The following KIFAP3 variants were observed in gnomAD, a reference collection of about 807,000 sequenced individuals.
KIFAP3 encodes kinesin-associated protein 3.
KIFAP3 carries 68 observed loss-of-function variants against 106.5 expected under a neutral mutation model. The ratio of observed to expected loss-of-function variants is 0.64; its 90% CI spans 0.53 to 0.78. The LOEUF (loss-of-function observed/expected upper bound fraction) is 0.78. Among genes scored for constraint, KIFAP3 ranks in the 30% least tolerant of loss-of-function variants. KIFAP3 has a pLI of 0.00. For missense variants in KIFAP3, 780 were observed against 941.8 expected (o/e 0.83, Z 2.25); for synonymous variants, 320 against 311.5 (o/e 1.03, Z -0.29).
At chr1:170,046,924 T>C in intron 2 of KIFAP3, 58 bp from the exon 3 acceptor site, 2 of 980,928 alleles carry the variant, frequency 2.0e-6, no homozygotes, top group Non-Finnish European at 2.8e-6. Context: ...ACTTCAATAC[T>C]ACTACTTTAA....
intron 2 of KIFAP3, among the ~76,000 whole-genome samples, chr1:170,047,470 A>C (rs1670316493): frequency 6.6e-6 from 1 of 151,864 alleles, no homozygotes; most frequent in African/African-American, 2.4e-5. Context: ...AGATACAAAA[A>C]ATTTGCCAGG....
At chr1:170,041,631 C>A in intron 3 of KIFAP3, 1 of 1,478,510 alleles carries the variant, frequency 6.8e-7, no homozygotes. Flanking sequence ...TTCTTTAAGC[C>A]AGGGGCTGTC....
chr1:169,943,716 T>A (rs1023737486), intron 19 of KIFAP3, among the ~76,000 whole-genome samples: 2 of 152,214 alleles, frequency 1.3e-5, no homozygotes, highest in African/African-American at 4.8e-5. Flanking sequence ...CTTTCTTTCT[T>A]TCCATTTAAA....
chr1:169,969,407 T>C (rs1031048442), intron 17 of KIFAP3, among the ~76,000 whole-genome samples: 4 of 152,056 alleles, frequency 2.6e-5, no homozygotes, highest in African/African-American at 9.7e-5. Flanking sequence ...CAACGGGTGA[T>C]GTAGAAGCTA....
chr1:170,054,742 AAATGGGGACTGAAC>A (rs974250764), intron 2 of KIFAP3, among the ~76,000 whole-genome samples: 2 of 152,186 alleles, frequency 1.3e-5, no homozygotes, highest in African/African-American at 4.8e-5. Context: ...TCTCACTCAT[AAATGGGGACTGAAC>A]AATGAGAACA....
chr1:169,981,900 C>T lies in KIFAP3; in HGVS notation c.1798+72G>A, dbSNP rs61825318. 3.8e-4 allele frequency: 469 copies of T among 1,240,602 alleles called. 2 individuals are homozygous for T. The highest frequency in any genetic ancestry group is 4.9e-4 in the Non-Finnish European group (433 of 889,348). 76.8% of individuals were successfully genotyped at this position (1,240,602 alleles called of 1,614,324 possible). ...TGAGAAAAACAGATTACAGACTCTGCATTTTATATTTAAATATTTAAATCA... is the reference window on the plus strand; with the variant it reads ...TGAGAAAAACAGATTACAGACTCTGTATTTTATATTTAAATATTTAAATCA... On this transcript the variant is annotated intron_variant, in intron 15 of 19. Coordinates refer to ENST00000361580, the MANE Select transcript of KIFAP3 (RefSeq NM_014970.4).
intron 1 of KIFAP3, among the ~76,000 whole-genome samples, chr1:170,062,495 C>G (rs1671231495): frequency 6.6e-6 from 1 of 152,166 alleles, no homozygotes; most frequent in Non-Finnish European, 1.5e-5. Context: ...TGGCTCTAAA[C>G]TCTACTCCTA....
At chr1:170,009,514 A>G (rs1259399959) in intron 10 of KIFAP3, among the ~76,000 whole-genome samples, 1 of 152,116 alleles carries the variant, frequency 6.6e-6, no homozygotes, top group Non-Finnish European at 1.5e-5. Context: ...CAAAGAACAC[A>G]TTTCAATTGC....
intron 18 of KIFAP3, among the ~76,000 whole-genome samples, chr1:169,957,791 T>A (rs1169920041): frequency 6.6e-6 from 1 of 152,030 alleles, no homozygotes; most frequent in African/African-American, 2.4e-5. Flanking sequence ...CACATCTGGC[T>A]AATTTTTGTA....
chr1:169,998,164 G>C (rs1439566243), intron 10 of KIFAP3, among the ~76,000 whole-genome samples: 3 of 151,860 alleles, frequency 2.0e-5, no homozygotes, highest in South Asian at 4.2e-4. Context: ...CTTAAAGTGG[G>C]GAACAGTCAT....
intron 10 of KIFAP3, among the ~76,000 whole-genome samples, chr1:170,000,231 C>T (rs1430924118): frequency 1.3e-5 from 2 of 152,110 alleles, no homozygotes; most frequent in Non-Finnish European, 2.9e-5. Flanking sequence ...AAAGTGAGAA[C>T]ACAAGTTATG....
chr1:170,040,643 CT>C (rs1669924874), intron 3 of KIFAP3, among the ~76,000 whole-genome samples: 1 of 152,088 alleles, frequency 6.6e-6, no homozygotes, highest in South Asian at 2.1e-4. Context: ...ACCAGATTTG[CT>C]TTTCTACTTG....
chr1:169,976,535 G>A (rs780077590), intron 16 of KIFAP3, among the ~76,000 whole-genome samples: 32 of 151,958 alleles, frequency 2.1e-4, no homozygotes, highest in Non-Finnish European at 4.4e-4. Flanking sequence ...AGCATATTTG[G>A]AGTTTATCTT....
chr1:169,997,118 G>A (rs979008934), intron 10 of KIFAP3, among the ~76,000 whole-genome samples: 1 of 152,160 alleles, frequency 6.6e-6, no homozygotes. Context: ...AGGCTCTGGA[G>A]GCAGAATGCT....
intron 1 of KIFAP3, among the ~76,000 whole-genome samples, chr1:170,083,910 ATGT>A (rs1242392800): frequency 6.6e-6 from 1 of 152,210 alleles, no homozygotes; most frequent in African/African-American, 2.4e-5. Context: ...GAAAATGATG[ATGT>A]TATTATTATT....
intron 19 of KIFAP3, among the ~76,000 whole-genome samples, chr1:169,935,815 G>A (rs950859678): frequency 2.4e-4 from 37 of 151,780 alleles, no homozygotes; most frequent in African/African-American, 8.2e-4. Flanking sequence ...TAATAATTAC[G>A]TTTAAATACA....
chr1:169,962,617 A>G (rs1665398730), intron 17 of KIFAP3, among the ~76,000 whole-genome samples: 2 of 152,172 alleles, frequency 1.3e-5, no homozygotes, highest in Admixed American at 1.3e-4. Flanking sequence ...GACCAAATAT[A>G]TATTTTAGTT....
chr1:170,004,325 A>G (rs954270334), intron 10 of KIFAP3, among the ~76,000 whole-genome samples: 1 of 152,192 alleles, frequency 6.6e-6, no homozygotes, highest in African/African-American at 2.4e-5. Flanking sequence ...CAAGCTACCA[A>G]TGACTTTCTT....
intron 1 of KIFAP3, among the ~76,000 whole-genome samples, chr1:170,072,596 A>T (rs1671756537): frequency 6.6e-6 from 1 of 152,204 alleles, no homozygotes; most frequent in Non-Finnish European, 1.5e-5. Context: ...AAAAAAAATT[A>T]TTTTTGTAAA....
Sources: gnomAD v4.1 joint callset for allele counts (sites outside exome capture counted in the v4.1 genomes callset) on GRCh38, gnomAD v4.1.1 for gene constraint, MANE v1.5 for transcripts, NCBI Gene and HGNC (gene_info 2026-07-23, HGNC 2026-07-21) for gene names.